PABPC1L: variants seen among roughly 807,000 people sequenced by gnomAD.
PABPC1L encodes the protein poly(A) binding protein cytoplasmic 1 like.
A neutral mutation model predicts 66.6 loss-of-function variants in PABPC1L; 31 were observed. The observed-to-expected ratio is 0.47, with a 90% CI of 0.35 to 0.63. PABPC1L has a LOEUF of 0.63. Ranked by LOEUF, PABPC1L falls within the 20% of genes least tolerant of loss-of-function variation. The pLI, the probability that PABPC1L is intolerant of heterozygous loss-of-function variation, is 0.00. For synonymous variants in PABPC1L, 348 were observed against 335.1 expected (o/e 1.04, Z -0.42); for missense variants, 722 against 848.8 (o/e 0.85, Z 1.86).
chr20:44,915,774 G>A (rs2066733678), intron 2 of PABPC1L, among the ~76,000 whole-genome samples: 1 of 148,962 alleles, frequency 6.7e-6, no homozygotes, highest in Non-Finnish European at 1.5e-5. Context: ...ACTCCAGCCT[G>A]GGCAACAAGA....
At chr20:44,933,313 G>A (rs146889341) in intron 10 of PABPC1L, 128 bp downstream of exon 10, 841 of 748,544 alleles carry the variant, frequency 1.1e-3, no homozygotes, top group Non-Finnish European at 1.7e-3. Context: ...AGACTGTAGC[G>A]TGGTAGTTAG....
chr20:44,934,163 G>C (rs1049738151), intron 10 of PABPC1L, among the ~76,000 whole-genome samples: 28 of 152,152 alleles, frequency 1.8e-4, no homozygotes, highest in African/African-American at 5.8e-4. Flanking sequence ...TGTACAGCAA[G>C]CACATCTGTT....
At chr20:44,919,853 T>C (rs1051377375) in intron 5 of PABPC1L, among the ~76,000 whole-genome samples, 4 of 152,190 alleles carry the variant, frequency 2.6e-5, no homozygotes, top group Admixed American at 2.6e-4. Context: ...AGAGGATTAT[T>C]TTGTGCCTTG....
intron 1 of PABPC1L, among the ~76,000 whole-genome samples, chr20:44,910,808 G>A: frequency 6.6e-6 from 1 of 152,114 alleles, no homozygotes; most frequent in Non-Finnish European, 1.5e-5. Context: ...ACCCAGCCTT[G>A]GGCTCAGGCC....
chr20:44,917,360 G>A (rs865817393), intron 3 of PABPC1L, among the ~76,000 whole-genome samples: 4 of 101,782 alleles, frequency 3.9e-5, no homozygotes, highest in Non-Finnish European at 5.8e-5. Flanking sequence ...CTAATTTTTT[G>A]ATTTTTTTTT....
At chr20:44,938,627 C>T in intron 13 of PABPC1L, 47 bp from the exon 14 acceptor site, 1 of 1,562,788 alleles carries the variant, frequency 6.4e-7, no homozygotes, top group Non-Finnish European at 8.7e-7. Context: ...CTTCTGTGAC[C>T]TGCTAAGATA....
At chr20:44,929,942 C>G (rs919297576) in intron 7 of PABPC1L, among the ~76,000 whole-genome samples, 1 of 152,188 alleles carries the variant, frequency 6.6e-6, no homozygotes, top group African/African-American at 2.4e-5. Context: ...TGGCTTGGTA[C>G]TTAGCAGAGG....
chr20:44,937,921 A>G (rs1370945412), intron 12 of PABPC1L, 140 bp from the exon 13 acceptor site: 6 of 1,119,880 alleles, frequency 5.4e-6, no homozygotes, highest in African/African-American at 1.6e-5. Context: ...TTAGAAGATC[A>G]AGTGTTAAAT....
At chr20:44,931,693 A>AAAC (rs2066861073) in intron 8 of PABPC1L, 1 of 148,726 alleles carries the variant, frequency 6.7e-6, no homozygotes, top group Non-Finnish European at 1.5e-5. Flanking sequence ...ACGGGGTTTC[A>AAAC]CCATGTTGGC....
intron 7 of PABPC1L, among the ~76,000 whole-genome samples, chr20:44,928,257 G>A (rs2066824334): frequency 6.6e-6 from 1 of 151,878 alleles, no homozygotes; most frequent in Non-Finnish European, 1.5e-5. Context: ...ATTTTTAGTA[G>A]AGATGGGGTT....
Position 44,938,205 on chromosome 20 carries a change from TGGGCAGCAGGGAGCCCGAGG to T in PABPC1L, c.1791+21_1791+40del. 6.2e-7 allele frequency: 1 copy of T among 1,611,738 alleles called. No individual in the cohort carries two copies. Among genetic ancestry groups the T allele is most frequent in the South Asian group, 1.1e-5 (1 of 90,990 alleles). On this transcript the variant is annotated intron_variant, in intron 13 of 14. Coordinates refer to ENST00000217073, the MANE Select transcript of PABPC1L (RefSeq NM_001372179.1). ...CTCCATGCCAAGGTAAGCAGGAGCCTGGGCAGCAGGGAGCCCGAGGGGGCAGGAGGAGAGCTAACGACAAG... is the reference window on the plus strand; with the variant it reads ...CTCCATGCCAAGGTAAGCAGGAGCCTGGGCAGGAGGAGAGCTAACGACAAG...
intron 2 of PABPC1L, among the ~76,000 whole-genome samples, chr20:44,913,187 C>T (rs2066716280): frequency 1.3e-5 from 2 of 152,140 alleles, no homozygotes; most frequent in South Asian, 4.1e-4. Flanking sequence ...CCTCCTATGC[C>T]CACTGAAAGC....
chr20:44,910,330 G>A lies in PABPC1L; in HGVS notation c.187G>A (p.Ala63Thr). 6.6e-7 allele frequency: 1 copy of A among 1,510,202 alleles called. No homozygotes were observed. The allele number at this position is 1,510,202 out of a possible 1,614,324, so 93.6% of individuals were successfully genotyped here. The change falls in exon 1 of 15, where the codon GCG becomes ACG. Residue 63 changes from alanine to threonine, a missense_variant. By Grantham distance (58) the Ala-to-Thr change is moderately conservative (BLOSUM62 0). Around this residue, in one of 3 missense-constraint regions of PABPC1L, gnomAD observed 284 missense variants for 294.8 expected, o/e 0.96. Coordinates refer to ENST00000217073, the MANE Select transcript of PABPC1L (RefSeq NM_001372179.1). ...GYAYINFQQP[A>T]DAERALDTMN... The stretch of plus-strand genomic sequence containing the variant: ...CGCCTACATCAACTTCCAGCAGCCC[G>A]CGGACGGTGAGCCCCGGGGATGGGG...
At chr20:44,930,181 A>T (rs1318178622) in intron 7 of PABPC1L, among the ~76,000 whole-genome samples, 1 of 152,186 alleles carries the variant, frequency 6.6e-6, no homozygotes, top group Non-Finnish European at 1.5e-5. Context: ...TGCATCCCTC[A>T]AACAGCTCAG....
intron 7 of PABPC1L, among the ~76,000 whole-genome samples, chr20:44,928,189 A>G (rs73296561): frequency 0.012 from 1,859 of 151,904 alleles, 31 homozygotes; most frequent in African/African-American, 0.039. Flanking sequence ...TTCTGCCTCA[A>G]CCTCCTGGGA....
chr20:44,931,177 T>TTC (rs1385432493), intron 8 of PABPC1L, among the ~76,000 whole-genome samples: 1 of 144,148 alleles, frequency 6.9e-6, no homozygotes, highest in Non-Finnish European at 1.5e-5. Flanking sequence ...CTTCCCTCCC[T>TTC]TCCTCCCTTC....
chr20:44,938,982 C>T, intron 14 of PABPC1L, 144 bp from the exon 15 acceptor site: 1 of 670,820 alleles, frequency 1.5e-6, no homozygotes, highest in Admixed American at 2.2e-5. Context: ...TGGCTTCATG[C>T]AGAATAGTTT....
intron 8 of PABPC1L, chr20:44,931,537 C>G (rs1241524651): frequency 6.6e-6 from 1 of 152,040 alleles, no homozygotes; most frequent in East Asian, 1.9e-4. Flanking sequence ...CTCTGTTGCC[C>G]AGAATGGAGT....
chr20:44,921,597 G>A lies in PABPC1L; in HGVS notation c.742G>A (p.Val248Met), dbSNP rs770340631. The A allele has an allele frequency of 3.7e-5, 59 of 1,613,764 alleles. No individual in the cohort carries two copies. Among genetic ancestry groups the A allele is most frequent in the East Asian group, 8.9e-5 (4 of 44,868 alleles). ...TGTTCCCTCCTCCTTTCCCCAGGCC[G>A]TGGTCCATATGAACGGGAAGGAGGT... ...FEKHEEAQKAVVHMNGKEVSG... is the reference protein window; with the variant it reads ...FEKHEEAQKAMVHMNGKEVSG... The change falls in exon 6 of 15, where the codon GTG (valine) becomes ATG (methionine). Residue 248 changes from valine to methionine, a missense_variant. Val to Met is a conservative substitution (Grantham distance 21, BLOSUM62 1). Coordinates refer to ENST00000217073, the MANE Select transcript of PABPC1L (RefSeq NM_001372179.1).
Sources: allele counts gnomAD v4.1 joint callset (sites outside exome capture counted in the v4.1 genomes callset), GRCh38; gene constraint gnomAD v4.1.1; regional missense constraint gnomAD v4.1.1; transcripts MANE v1.5; gene names NCBI Gene and HGNC (gene_info 2026-07-23, HGNC 2026-07-21).